The following UBR2 variants were observed in gnomAD, a reference collection of about 807,000 sequenced individuals.
The protein encoded by UBR2 is E3 ubiquitin-protein ligase UBR2.
In UBR2, 92 loss-of-function variants were observed where a neutral mutation model predicts 247.9. That is an observed-to-expected ratio of 0.37 (90% CI 0.31 to 0.44). The LOEUF is 0.44. UBR2 is among the 20% of genes least tolerant of loss of function. UBR2 has a pLI of 1.00. For synonymous variants in UBR2, 672 were observed against 693.5 expected (o/e 0.97, Z 0.49); for missense variants, 1,613 against 2,112.6 (o/e 0.76, Z 4.64).
intron 15 of UBR2, among the ~76,000 whole-genome samples, chr6:42,639,359 G>A (rs749170389): frequency 3.7e-4 from 57 of 152,200 alleles, no homozygotes; most frequent in Admixed American, 1.7e-3. Flanking sequence ...TTGGGAGGCC[G>A]AGGCCAGCAG....
intron 46 of UBR2, 79 bp from the exon 47 acceptor site, chr6:42,690,953 G>T: frequency 6.4e-7 from 1 of 1,553,020 alleles, no homozygotes. Context: ...TTGTAACCTT[G>T]CCTAAATCAG....
chr6:42,605,623 C>T, intron 5 of UBR2, 98 bp from the exon 6 acceptor site: 1 of 1,119,854 alleles, frequency 8.9e-7, no homozygotes, highest in South Asian at 1.7e-5. Flanking sequence ...TGTCCAGTAC[C>T]TAGCACATTG....
chr6:42,682,049 G>C (rs918087426), intron 42 of UBR2, among the ~76,000 whole-genome samples: 2 of 152,218 alleles, frequency 1.3e-5, no homozygotes, highest in African/African-American at 4.8e-5. Context: ...ACTCCAGCCT[G>C]AGTGACAGAG....
chr6:42,575,633 G>A (rs1388597845), intron 2 of UBR2, among the ~76,000 whole-genome samples: 1 of 152,116 alleles, frequency 6.6e-6, no homozygotes, highest in African/African-American at 2.4e-5. Context: ...GGGTTTGTCT[G>A]GTTTTCGTAA....
intron 23 of UBR2, among the ~76,000 whole-genome samples, chr6:42,650,705 A>T (rs2151965865): frequency 6.6e-6 from 1 of 152,284 alleles, no homozygotes; most frequent in South Asian, 2.1e-4. Context: ...AGAAAGTAGA[A>T]ATTACTTAAA....
At chr6:42,617,220 A>C (rs1794612533) in intron 10 of UBR2, 189 bp from the exon 11 acceptor site, 1 of 1,610,630 alleles carries the variant, frequency 6.2e-7, no homozygotes, top group Non-Finnish European at 8.5e-7. Context: ...TTAGAGGTGA[A>C]TCTCCCCCTT....
intron 4 of UBR2, among the ~76,000 whole-genome samples, chr6:42,599,603 T>G (rs1337471634): frequency 1.5e-5 from 2 of 129,768 alleles, no homozygotes; most frequent in African/African-American, 6.1e-5. Context: ...TTTGGGGTTT[T>G]GTTTGGGGGT....
rs1792839299 is a variant in UBR2 at position 42,594,317 on chromosome 6, T to C, written c.531+13T>C. ...TGAGGAAGAAGAGGTAAAAACATTT[T>C]CACAAAGTTGTTTTTAACCCAAGTT... On this transcript the variant is annotated intron_variant, in intron 4 of 46. Transcript: ENST00000372901. The C allele has an allele frequency of 1.3e-6, 2 of 1,593,340 alleles. No individual in the cohort carries two copies. The highest frequency in any genetic ancestry group is 2.7e-5 in the African/African-American group (2 of 74,150).
At chr6:42,655,854 G>A in intron 26 of UBR2, 131 bp downstream of exon 26, 1 of 494,302 alleles carries the variant, frequency 2.0e-6, no homozygotes, top group South Asian at 4.2e-5. Flanking sequence ...GAGGCTATAT[G>A]TACTCATCTG....
intron 11 of UBR2, chr6:42,619,638 G>A (rs571596083): frequency 1.1e-3 from 164 of 154,938 alleles, no homozygotes; most frequent in African/African-American, 3.9e-3. Flanking sequence ...GGCTGAGGCA[G>A]AAGAATCACT....
chr6:42,678,439 A>G (rs1188683125), intron 40 of UBR2, 100 bp from the exon 41 acceptor site: 2 of 1,324,088 alleles, frequency 1.5e-6, no homozygotes, highest in African/African-American at 1.5e-5. Context: ...TTAAGCATAC[A>G]TGCCATCAGT....
At chr6:42,609,406 C>G (rs1441336471) in intron 7 of UBR2, among the ~76,000 whole-genome samples, 1 of 152,036 alleles carries the variant, frequency 6.6e-6, no homozygotes, top group African/African-American at 2.4e-5. Flanking sequence ...CTAAGATGCA[C>G]AAAAGCATGT....
intron 13 of UBR2, among the ~76,000 whole-genome samples, 172 bp downstream of exon 13, chr6:42,633,076 G>A (rs1393074341): frequency 6.8e-6 from 1 of 147,838 alleles, no homozygotes; most frequent in Non-Finnish European, 1.5e-5. Flanking sequence ...CTATACCTTT[G>A]AACTCCTGGT....
Position 42,688,227 on chromosome 6 carries a change from C to T in UBR2, c.4865C>T (p.Ser1622Leu). The change falls in exon 45 of 47, where the codon TCA becomes TTA. Residue 1622 changes from serine to leucine, a missense_variant. Around this residue, in one of 3 missense-constraint regions of UBR2, gnomAD observed 1,524 missense variants for 1,967.3 expected, o/e 0.77. Transcript: ENST00000372901. ...NQASNFSCPK[S>L]GGDKSRAPTL... ...TTTATCCCTTGGAGGTGCCCGAAAT[C>T]AGGTGGTGATAAGAGCAGAGCCCCA... The T allele has an allele frequency of 6.2e-7, 1 of 1,614,108 alleles. No individual in the cohort carries two copies. The highest frequency in any genetic ancestry group is 2.2e-5 in the East Asian group (1 of 44,878).
chr6:42,643,898 A>G (rs907140887), intron 18 of UBR2, among the ~76,000 whole-genome samples: 1 of 152,178 alleles, frequency 6.6e-6, no homozygotes, highest in Non-Finnish European at 1.5e-5. Flanking sequence ...CACTGAATTC[A>G]TAGGAATACA....
At chr6:42,650,648 T>G (rs1054342950) in intron 23 of UBR2, among the ~76,000 whole-genome samples, 2 of 152,100 alleles carry the variant, frequency 1.3e-5, no homozygotes, top group African/African-American at 4.8e-5. Flanking sequence ...GATTGAAAAA[T>G]GATACATTTT....
chr6:42,668,309 C>A (rs1239999820), intron 34 of UBR2, among the ~76,000 whole-genome samples: 9 of 152,168 alleles, frequency 5.9e-5, no homozygotes, highest in Non-Finnish European at 1.3e-4. Context: ...TTATTTTATT[C>A]ATATGCTCAA....
chr6:42,575,817 A>G (rs1443208948), intron 2 of UBR2, among the ~76,000 whole-genome samples: 1 of 152,216 alleles, frequency 6.6e-6, no homozygotes, highest in African/African-American at 2.4e-5. Flanking sequence ...CTATGTGATC[A>G]ATAAGTGTGT....
chr6:42,654,964 T>G (rs1050465398), intron 25 of UBR2, among the ~76,000 whole-genome samples: 4 of 152,214 alleles, frequency 2.6e-5, no homozygotes, highest in Non-Finnish European at 5.9e-5. Context: ...GCTTTATAAT[T>G]ACTTGACCAC....
Sources: allele counts gnomAD v4.1 joint callset (sites outside exome capture counted in the v4.1 genomes callset), GRCh38; gene constraint gnomAD v4.1.1; regional missense constraint gnomAD v4.1.1; transcripts MANE v1.5; gene names NCBI Gene and HGNC (gene_info 2026-07-23, HGNC 2026-07-21).